The following VPS13C variants were observed in gnomAD, a reference collection of about 807,000 sequenced individuals.
The protein encoded by VPS13C is intermembrane lipid transfer protein VPS13C.
A neutral mutation model predicts 456.8 loss-of-function variants in VPS13C; 358 were observed. That is an observed-to-expected ratio of 0.78 (90% confidence interval 0.72 to 0.86). The LOEUF (loss-of-function observed/expected upper bound fraction) is 0.86, where lower values mean the gene tolerates loss of function less well. Among genes scored for constraint, VPS13C ranks in the 40% least tolerant of loss-of-function variants. The pLI is 0.00. For missense variants in VPS13C, 4,818 were observed against 4,385.4 expected, an observed-to-expected ratio of 1.10 and a Z score of -2.79; for synonymous variants, 1,578 against 1,486.7, an observed-to-expected ratio of 1.06 and a Z score of -1.41.
At chr15:62,048,851 C>T (rs2048520349) in intron 1 of VPS13C, among the ~76,000 whole-genome samples, 2 of 152,174 alleles carry the variant, frequency 1.3e-5, no homozygotes, top group African/African-American at 4.8e-5. Flanking sequence ...TCTCTGATGG[C>T]CAGTGATGAT....
intron 53 of VPS13C, among the ~76,000 whole-genome samples, chr15:61,923,486 T>C (rs144005660): frequency 0.014 from 2,061 of 152,232 alleles, 30 homozygotes; most frequent in Non-Finnish European, 0.022. Flanking sequence ...CATTCTTATG[T>C]TTAAAATCTT....
At chr15:61,904,199 AAGAG>A (rs1426067948) in intron 66 of VPS13C, among the ~76,000 whole-genome samples, 1 of 152,044 alleles carries the variant, frequency 6.6e-6, no homozygotes, top group Non-Finnish European at 1.5e-5. Context: ...AACAAACCGA[AAGAG>A]AGAAATTATT....
chr15:61,964,113 G>A (rs1012083946), intron 31 of VPS13C, among the ~76,000 whole-genome samples, 162 bp from the exon 32 acceptor site: 5 of 151,916 alleles, frequency 3.3e-5, no homozygotes, highest in Non-Finnish European at 7.4e-5. Context: ...TATATATTCT[G>A]TAAAGTTTGC....
At chr15:61,926,041 G>T (rs570711823) in intron 52 of VPS13C, among the ~76,000 whole-genome samples, 2 of 152,048 alleles carry the variant, frequency 1.3e-5, no homozygotes, top group Non-Finnish European at 2.9e-5. Context: ...TTAAAGAAAC[G>T]AATAAATAGG....
At chr15:61,918,078 A>G in intron 59 of VPS13C, 58 bp downstream of exon 59, 2 of 1,499,438 alleles carry the variant, frequency 1.3e-6, no homozygotes, top group South Asian at 2.7e-5. Flanking sequence ...GTTATTTGCC[A>G]GAATATAAAT....
intron 4 of VPS13C, among the ~76,000 whole-genome samples, chr15:62,034,138 A>G (rs2047909136): frequency 6.6e-6 from 1 of 151,722 alleles, no homozygotes; most frequent in African/African-American, 2.4e-5. Flanking sequence ...AGTATTGACT[A>G]TAAAGCTAAA....
intron 67 of VPS13C, among the ~76,000 whole-genome samples, chr15:61,888,185 C>A (rs951678720): frequency 2.0e-5 from 3 of 151,962 alleles, no homozygotes; most frequent in Non-Finnish European, 4.4e-5. Context: ...TCCAAAACAC[C>A]GACAATACCA....
chr15:61,988,935 A>G (rs1224483947), intron 18 of VPS13C, among the ~76,000 whole-genome samples: 1 of 152,224 alleles, frequency 6.6e-6, no homozygotes, highest in Non-Finnish European at 1.5e-5. Flanking sequence ...AAATACATAA[A>G]GTAAGACAAT....
chr15:61,883,644 C>G (rs1449497397), intron 68 of VPS13C, among the ~76,000 whole-genome samples: 1 of 151,970 alleles, frequency 6.6e-6, no homozygotes, highest in Non-Finnish European at 1.5e-5. Flanking sequence ...TTGTGGATGC[C>G]TACTCAGGTC....
intron 2 of VPS13C, among the ~76,000 whole-genome samples, chr15:62,041,891 T>C (rs989143015): frequency 6.6e-6 from 1 of 152,044 alleles, no homozygotes; most frequent in Non-Finnish European, 1.5e-5. Flanking sequence ...TGATAAATAG[T>C]AAAAATAGAA....
Position 61,954,469 on chromosome 15 carries a change from A to G in VPS13C, c.4251T>C (p.Ile1417=). 1 of 1,609,506 alleles carries G rather than the reference A, an allele frequency of 6.2e-7. No individual in the cohort carries two copies. Among genetic ancestry groups the G allele is most frequent in the Non-Finnish European group, 8.5e-7 (1 of 1,178,118 alleles). ...GCATATTAATGATGTCTACAGACCT[A>G]ATTTCTTCCACTCCAGTTGTTAAAG... ...KNTLTTGVEE[I]RSVDIINMLL... is the part of the protein sequence containing the mutation. The change falls in exon 38 of 85, where the codon ATT becomes ATC. Residue 1417 remains isoleucine (I), a synonymous_variant. Transcript: ENST00000644861.
intron 38 of VPS13C, among the ~76,000 whole-genome samples, chr15:61,953,951 C>T (rs907783731): frequency 2.8e-4 from 43 of 152,238 alleles, no homozygotes; most frequent in African/African-American, 9.9e-4. Flanking sequence ...CTATCCTTGT[C>T]ACTGGGCATA....
intron 16 of VPS13C, among the ~76,000 whole-genome samples, chr15:62,000,345 A>G (rs149514493): frequency 1.3e-5 from 2 of 152,300 alleles, no homozygotes; most frequent in African/African-American, 4.8e-5. Context: ...AGCCCGGGAG[A>G]CAGAGCAAGA....
At chr15:62,020,434 A>C in intron 9 of VPS13C, 45 bp downstream of exon 9, 1 of 1,542,206 alleles carries the variant, frequency 6.5e-7, no homozygotes, top group Non-Finnish European at 8.8e-7. Context: ...CTTCAGAATA[A>C]TACTTTACAG....
chr15:61,921,819 C>T, intron 55 of VPS13C, 128 bp downstream of exon 55: 1 of 811,378 alleles, frequency 1.2e-6, no homozygotes, highest in Non-Finnish European at 1.9e-6. Flanking sequence ...AGAGTTCTGA[C>T]CTCATGGACA....
chr15:62,042,289 T>A (rs1478804113), intron 2 of VPS13C, among the ~76,000 whole-genome samples: 2 of 152,066 alleles, frequency 1.3e-5, no homozygotes, highest in African/African-American at 4.8e-5. Flanking sequence ...ACAACTGATA[T>A]CCATAATGAT....
In VPS13C at chr15:61,910,274, C is replaced by A; in HGVS notation, c.8747G>T (p.Gly2916Val). The change falls in exon 64 of 85, where the codon GGC (glycine) becomes GTC (valine). Residue 2916 changes from glycine (G) to valine (V), a missense_variant. Gly to Val is a moderately radical substitution (Grantham distance 109). Around this residue, in one of 3 missense-constraint regions of VPS13C, gnomAD observed 4,552 missense variants for 4,130.6 expected, o/e 1.10. Coordinates refer to ENST00000644861, the MANE Select transcript of VPS13C (RefSeq NM_020821.3). Reference protein sequence around the residue: ...CLPFWPESLSGKLCVRVVGCE... With the variant: ...CLPFWPESLSVKLCVRVVGCE... ...GCCCACCACTCTCACACAAAGTTTG[C>A]CTGACAAACTTTCTGGCCAAAATGG... 6.6e-7 allele frequency: 1 copy of A among 1,525,336 alleles called. No individual in the cohort carries two copies. The allele number at this position is 1,525,336 out of a possible 1,614,324, so 94.5% of individuals were successfully genotyped here.
rs1007367759 is a variant in VPS13C at position 61,911,340 on chromosome 15, A to T, written c.8715+500T>A. 3.3e-5 allele frequency among the ~76,000 whole-genome samples: 5 copies of T among 152,222 alleles called. No individual in the cohort carries two copies. The East Asian group carries it at 7.7e-4, about 23-fold the overall frequency. On this transcript the variant is annotated intron_variant, in intron 63 of 84. Coordinates refer to ENST00000644861, the MANE Select transcript of VPS13C (RefSeq NM_020821.3). Reference sequence around the variant, plus strand: ...GATTTCAACTACCAATGACTTTATCAATCTTGGAAAAGTCTGAAACTCAGT... The same window carrying T: ...GATTTCAACTACCAATGACTTTATCTATCTTGGAAAAGTCTGAAACTCAGT...
At position 61,978,640 on chromosome 15, in the gene VPS13C, A is replaced by C. The variant is rs746497543; in HGVS notation, c.2276T>G (p.Leu759Arg). Residue 759 changes from leucine (L) to arginine (R), a missense_variant, in exon 23 of 85, where the codon CTT becomes CGT. Transcript: ENST00000644861. ...TAACGGTTTACCTGCTCTTGCAAAA[A>C]GTAGTTGTACATTTTTTATTTCAAC... is the stretch of plus-strand genomic sequence containing the variant. ...FDVEIKNVQLLFARAEETWKK... is the reference protein window; with the variant it reads ...FDVEIKNVQLRFARAEETWKK... The C allele has an allele frequency of 5.0e-6, 8 of 1,610,378 alleles. No homozygotes were observed. The highest frequency in any genetic ancestry group is 6.8e-6 in the Non-Finnish European group (8 of 1,179,018).
Sources: allele counts gnomAD v4.1 joint callset (sites outside exome capture counted in the v4.1 genomes callset), GRCh38; gene constraint gnomAD v4.1.1; regional missense constraint gnomAD v4.1.1; transcripts MANE v1.5; gene names NCBI Gene and HGNC (gene_info 2026-07-23, HGNC 2026-07-21).